STPG2: variants seen among roughly 807,000 people sequenced by gnomAD.
STPG2 encodes the protein sperm-tail PG-rich repeat-containing protein 2.
Under a neutral mutation model 54.2 loss-of-function variants are expected in STPG2, and 56 were observed. The observed-to-expected ratio is 1.03, with a 90% CI of 0.83 to 1.29. The LOEUF (loss-of-function observed/expected upper bound fraction) is 1.29, where lower values mean the gene tolerates loss of function less well. Ranked by LOEUF, STPG2 falls within the 50% of genes most tolerant of loss-of-function variation. The pLI is 0.00. For synonymous variants in STPG2, 200 were observed against 181.8 expected, an observed-to-expected ratio of 1.10 and a Z score of -0.81; for missense variants, 596 against 544.9, an observed-to-expected ratio of 1.09 and a Z score of -0.93.
chr4:97,868,370 A>G (rs1393186220), intron 8 of STPG2, among the ~76,000 whole-genome samples: 2 of 151,840 alleles, frequency 1.3e-5, no homozygotes, highest in Non-Finnish European at 2.9e-5. Context: ...GCCTGAGATC[A>G]TGTCTTTTCA....
chr4:97,723,679 G>A (rs570293296), intron 9 of STPG2, among the ~76,000 whole-genome samples: 2 of 152,124 alleles, frequency 1.3e-5, no homozygotes, highest in Non-Finnish European at 2.9e-5. Context: ...TAATTTATAA[G>A]CAGAAAAGGT....
chr4:97,940,878 T>A (rs1393863211), intron 8 of STPG2, among the ~76,000 whole-genome samples: 2 of 152,136 alleles, frequency 1.3e-5, no homozygotes, highest in Non-Finnish European at 2.9e-5. Context: ...CATTAATTAT[T>A]TTCACTTTAC....
At chr4:98,125,681 G>A (rs1739809564) in intron 3 of STPG2, among the ~76,000 whole-genome samples, 1 of 152,200 alleles carries the variant, frequency 6.6e-6, no homozygotes, top group African/African-American at 2.4e-5. Flanking sequence ...AAGCAGTCTG[G>A]CCACTCCTTG....
At chr4:97,742,620 C>G (rs910836643) in intron 9 of STPG2, among the ~76,000 whole-genome samples, 1 of 145,304 alleles carries the variant, frequency 6.9e-6, no homozygotes, top group Admixed American at 7.1e-5. Flanking sequence ...CCTTTTGCAA[C>G]AACATGGATG....
At chr4:97,952,308 A>C (rs1174545452) in intron 7 of STPG2, among the ~76,000 whole-genome samples, 1 of 152,094 alleles carries the variant, frequency 6.6e-6, no homozygotes, top group Non-Finnish European at 1.5e-5. Flanking sequence ...AAGACCCTTC[A>C]TGAGCACCAG....
At chr4:97,934,192 T>C (rs1464071020) in intron 8 of STPG2, among the ~76,000 whole-genome samples, 1 of 152,184 alleles carries the variant, frequency 6.6e-6, no homozygotes, top group Non-Finnish European at 1.5e-5. Flanking sequence ...GGAATACTTG[T>C]GATTTTTGCA....
chr4:97,566,747 T>C (rs1010544857), intron 10 of STPG2, among the ~76,000 whole-genome samples: 19 of 151,654 alleles, frequency 1.3e-4, no homozygotes, highest in South Asian at 2.1e-4. Context: ...ATGGATGAAA[T>C]TGGAAATCAT....
intron 8 of STPG2, among the ~76,000 whole-genome samples, chr4:97,918,391 C>T (rs973843453): frequency 1.3e-5 from 2 of 152,026 alleles, no homozygotes; most frequent in African/African-American, 4.8e-5. Flanking sequence ...ATTTTTTATG[C>T]ATTAAGGAGA....
At chr4:98,025,250 T>C (rs908302228) in intron 5 of STPG2, 1 of 176,762 alleles carries the variant, frequency 5.7e-6, no homozygotes, top group South Asian at 1.3e-4. Flanking sequence ...GTATAAAGAA[T>C]AGCTTTGCTT....
chr4:98,045,982 T>G (rs1305241618), intron 5 of STPG2, among the ~76,000 whole-genome samples: 3 of 152,168 alleles, frequency 2.0e-5, no homozygotes, highest in Non-Finnish European at 4.4e-5. Context: ...TTAATTCAAA[T>G]AATGTATACA....
At chr4:97,598,134 A>C (rs545004680) in intron 10 of STPG2, among the ~76,000 whole-genome samples, 1 of 152,314 alleles carries the variant, frequency 6.6e-6, no homozygotes, top group Admixed American at 6.5e-5. Context: ...AATCCCATTC[A>C]CAATAGCCAC....
At chr4:97,731,699 TGAGAA>T (rs1409217304) in intron 9 of STPG2, among the ~76,000 whole-genome samples, 1 of 152,144 alleles carries the variant, frequency 6.6e-6, no homozygotes, top group East Asian at 1.9e-4. Flanking sequence ...AGACTGCTCT[TGAGAA>T]GAGGGGCACG....
chr4:97,483,908 C>G (rs776638137), intron 4 of STPG2, among the ~76,000 whole-genome samples: 68 of 151,782 alleles, frequency 4.5e-4, no homozygotes, highest in Non-Finnish European at 8.3e-4. Flanking sequence ...AACTGGAAAT[C>G]AGCTCCAAAA....
At chr4:97,531,605 G>A (rs1463950547) in intron 4 of STPG2, among the ~76,000 whole-genome samples, 1 of 152,128 alleles carries the variant, frequency 6.6e-6, no homozygotes, top group African/African-American at 2.4e-5. Context: ...GATAAGCCAG[G>A]CAAAGAAAAA....
At chr4:97,609,570 G>T (rs1239429096) in intron 10 of STPG2, among the ~76,000 whole-genome samples, 1 of 151,878 alleles carries the variant, frequency 6.6e-6, no homozygotes, top group African/African-American at 2.4e-5. Context: ...AAGAACCACA[G>T]TTCACAGATG....
intron 5 of STPG2, among the ~76,000 whole-genome samples, chr4:98,065,909 C>G (rs899424160): frequency 6.6e-6 from 1 of 152,034 alleles, no homozygotes; most frequent in Non-Finnish European, 1.5e-5. Context: ...GATACACCTA[C>G]CTAGAGAAGT....
intron 10 of STPG2, among the ~76,000 whole-genome samples, chr4:97,602,844 A>G (rs1220202484): frequency 4.0e-5 from 6 of 151,824 alleles, no homozygotes; most frequent in African/African-American, 1.4e-4. Context: ...CACATAATCA[A>G]TTGGCCATTT....
At chr4:98,013,104 T>C (rs755302339) in intron 5 of STPG2, among the ~76,000 whole-genome samples, 3 of 152,220 alleles carry the variant, frequency 2.0e-5, no homozygotes, top group Non-Finnish European at 4.4e-5. Flanking sequence ...AAATGGCTCT[T>C]ATCATTTTGA....
chr4:97,565,988 T>C (rs1268865264), intron 10 of STPG2, among the ~76,000 whole-genome samples: 1 of 152,160 alleles, frequency 6.6e-6, no homozygotes, highest in Non-Finnish European at 1.5e-5. Flanking sequence ...GACATTTAAG[T>C]CTGCGGAGGT....
Sources: gnomAD v4.1 joint callset for allele counts (sites outside exome capture counted in the v4.1 genomes callset) on GRCh38, gnomAD v4.1.1 for gene constraint, MANE v1.5 for transcripts, NCBI Gene and HGNC (gene_info 2026-07-23, HGNC 2026-07-21) for gene names.